The following IQSEC1 variants were observed in gnomAD, a reference collection of about 807,000 sequenced individuals.
The protein encoded by IQSEC1 is IQ motif and SEC7 domain-containing protein 1.
A neutral mutation model predicts 91.0 loss-of-function variants in IQSEC1; 31 were observed. The ratio of observed to expected loss-of-function variants is 0.34; its 90% confidence interval spans 0.26 to 0.46. The LOEUF (loss-of-function observed/expected upper bound fraction) is 0.46. IQSEC1 is among the 20% of genes least tolerant of loss of function. The pLI, the probability that IQSEC1 is intolerant of heterozygous loss-of-function variation, is 1.00. For synonymous variants in IQSEC1, 699 were observed against 662.6 expected, an observed-to-expected ratio of 1.05 and a Z score of -0.84; for missense variants, 1,388 against 1,575.6, an observed-to-expected ratio of 0.88 and a Z score of 2.02.
chr3:13,153,492 A>G (rs2124964885), intron 2 of IQSEC1, among the ~76,000 whole-genome samples: 1 of 152,264 alleles, frequency 6.6e-6, no homozygotes, highest in African/African-American at 2.4e-5. Flanking sequence ...AAGTGCACTC[A>G]TAGAGGGCTG....
At chr3:13,243,310 A>T (rs1323512249) in intron 1 of IQSEC1, among the ~76,000 whole-genome samples, 1 of 152,126 alleles carries the variant, frequency 6.6e-6, no homozygotes, top group African/African-American at 2.4e-5. Context: ...CTGTCTGTAA[A>T]CAAGACCCTG....
intron 2 of IQSEC1, among the ~76,000 whole-genome samples, chr3:13,135,679 C>T (rs1706694964): frequency 6.6e-6 from 1 of 152,196 alleles, no homozygotes; most frequent in Non-Finnish European, 1.5e-5. Context: ...GTCTCTTCGA[C>T]ACAGACGCCT....
chr3:13,145,814 G>GGC lies in IQSEC1; in HGVS notation c.302+18289_302+18290insGC, dbSNP rs1553568932. Among the ~76,000 whole-genome samples, 20 of 132,628 alleles carry GGC rather than the reference G, an allele frequency of 1.5e-4. 1 individual carries two copies. In the East Asian group the frequency reaches 2.7e-3, roughly 18 times the overall value. 87.0% of individuals were successfully genotyped at this position (132,628 alleles called of 152,430 possible). A position where few individuals can be genotyped will look rare whatever the true frequency, so the allele number is the denominator to read the frequency against. On this transcript the variant is annotated intron_variant, in intron 2 of 15. Transcript: ENST00000648114. ...CTGGGCGCCCGGGGGCGGGGGGGGG[G>GGC]GGTCCTGATCATTGGGAACAAGTTG...
intron 1 of IQSEC1, among the ~76,000 whole-genome samples, chr3:12,966,967 G>C (rs973590565): frequency 1.6e-4 from 24 of 151,962 alleles, no homozygotes; most frequent in Admixed American, 1.3e-4. Flanking sequence ...CAGACCCGCT[G>C]GGCACCCTCC....
At chr3:12,911,818 C>A in intron 9 of IQSEC1, 90 bp from the exon 10 acceptor site, 1 of 884,662 alleles carries the variant, frequency 1.1e-6, no homozygotes, top group South Asian at 1.4e-5. Flanking sequence ...TCCTGGAGTT[C>A]AAAGTCAGGA....
intron 2 of IQSEC1, among the ~76,000 whole-genome samples, chr3:13,157,717 T>C (rs1707105449): frequency 6.6e-6 from 1 of 152,238 alleles, no homozygotes; most frequent in African/African-American, 2.4e-5. Flanking sequence ...CCTGCTCATG[T>C]AAACATGGGC....
chr3:13,186,738 C>T (rs1693937927), intron 1 of IQSEC1, among the ~76,000 whole-genome samples: 1 of 152,104 alleles, frequency 6.6e-6, no homozygotes, highest in Non-Finnish European at 1.5e-5. Flanking sequence ...GCGGTTTCCT[C>T]CCTGAGGCAC....
At chr3:12,926,306 T>C (rs989458112) in intron 3 of IQSEC1, among the ~76,000 whole-genome samples, 35 of 66,364 alleles carry the variant, frequency 5.3e-4, no homozygotes, top group Middle Eastern at 5.8e-3. Context: ...CAAGACTCCA[T>C]GTCAAAAAAA....
chr3:13,217,111 T>C (rs1694564906), intron 1 of IQSEC1, among the ~76,000 whole-genome samples: 1 of 152,230 alleles, frequency 6.6e-6, no homozygotes, highest in African/African-American at 2.4e-5. Context: ...AAAATCCAAC[T>C]GAACAGAGTG....
intron 3 of IQSEC1, among the ~76,000 whole-genome samples, chr3:12,931,900 CA>C (rs1661701517): frequency 6.6e-6 from 1 of 152,234 alleles, no homozygotes; most frequent in Non-Finnish European, 1.5e-5. Flanking sequence ...CCAAGTAGTC[CA>C]ACCACACTGT....
chr3:12,912,667 T>G (rs1321824662), intron 9 of IQSEC1, among the ~76,000 whole-genome samples: 1 of 89,804 alleles, frequency 1.1e-5, no homozygotes, highest in Non-Finnish European at 2.0e-5. Context: ...CGAGACTCCG[T>G]CTCAAAAAAA....
intron 2 of IQSEC1, among the ~76,000 whole-genome samples, chr3:13,107,914 C>CA (rs1416140915): frequency 7.2e-5 from 11 of 152,270 alleles, no homozygotes; most frequent in Non-Finnish European, 1.6e-4. Context: ...CCAGCCTGGC[C>CA]AGCCATGGCC....
upstream of IQSEC1, among the ~76,000 whole-genome samples, chr3:13,073,602 G>T (rs951230482): frequency 6.6e-6 from 1 of 152,228 alleles, no homozygotes; most frequent in Non-Finnish European, 1.5e-5. Flanking sequence ...CGGGGCGCGG[G>T]GCGCCGGCCC....
At chr3:13,268,972 G>T (rs947430534) in intron 1 of IQSEC1, among the ~76,000 whole-genome samples, 1 of 152,198 alleles carries the variant, frequency 6.6e-6, no homozygotes, top group Non-Finnish European at 1.5e-5. Context: ...ATTCTAACAC[G>T]TGTCAGCACC....
chr3:12,955,947 A>G (rs557173498), intron 1 of IQSEC1, among the ~76,000 whole-genome samples: 13 of 152,170 alleles, frequency 8.5e-5, no homozygotes, highest in Non-Finnish European at 1.9e-4. Context: ...TCCACAAAAC[A>G]TGCTCTCTGT....
upstream of IQSEC1, among the ~76,000 whole-genome samples, chr3:13,073,559 GGCTGCGCCCTCGC>G (rs1705506280): frequency 1.3e-5 from 2 of 152,034 alleles, no homozygotes; most frequent in Admixed American, 6.5e-5. Context: ...GCGGCCGCTC[GGCTGCGCCCTCGC>G]GGCAAAGTCA....
chr3:13,021,152 G>A (rs1009813582), intron 1 of IQSEC1, among the ~76,000 whole-genome samples: 25 of 152,062 alleles, frequency 1.6e-4, no homozygotes, highest in African/African-American at 5.6e-4. Context: ...ATACAAATTC[G>A]GGCCCCGTGT....
chr3:12,926,858 C>T (rs1029534265), intron 3 of IQSEC1, among the ~76,000 whole-genome samples: 7 of 152,198 alleles, frequency 4.6e-5, no homozygotes, highest in Non-Finnish European at 8.8e-5. Context: ...TGGCCACACC[C>T]GTAAGCTTGT....
intron 2 of IQSEC1, among the ~76,000 whole-genome samples, chr3:13,143,769 C>G (rs1396811456): frequency 2.0e-5 from 3 of 152,198 alleles, no homozygotes; most frequent in African/African-American, 7.2e-5. Context: ...ATGACACTCA[C>G]ACTGAGGGAA....
Sources: gnomAD v4.1 joint callset for allele counts (sites outside exome capture counted in the v4.1 genomes callset) on GRCh38, gnomAD v4.1.1 for gene constraint, MANE v1.5 for transcripts, NCBI Gene and HGNC (gene_info 2026-07-23, HGNC 2026-07-21) for gene names.